SHISA6: variants seen among roughly 807,000 people sequenced by gnomAD.
The protein encoded by SHISA6 is shisa family member 6.
SHISA6 carries 22 observed loss-of-function variants against 47.9 expected under a neutral mutation model. The observed-to-expected ratio is 0.46, with a 90% confidence interval of 0.33 to 0.66. The LOEUF is 0.66. SHISA6 is among the 30% of genes least tolerant of loss of function. SHISA6 has a pLI of 0.02. For synonymous variants in SHISA6, 388 were observed against 337.8 expected, an observed-to-expected ratio of 1.15 and a Z score of -1.63; for missense variants, 680 against 764.6, an observed-to-expected ratio of 0.89 and a Z score of 1.30.
chr17:11,523,429 C>T (rs1377090516), intron 3 of SHISA6, among the ~76,000 whole-genome samples: 1 of 152,116 alleles, frequency 6.6e-6, no homozygotes, highest in African/African-American at 2.4e-5. Flanking sequence ...AGATGTCTCT[C>T]TGTGAGCCAG....
chr17:11,260,232 C>T (rs1417733896), intron 1 of SHISA6, among the ~76,000 whole-genome samples: 1 of 152,074 alleles, frequency 6.6e-6, no homozygotes, highest in Admixed American at 6.6e-5. Flanking sequence ...AAGAAATAGA[C>T]AGAAGGGAGC....
intron 2 of SHISA6, among the ~76,000 whole-genome samples, chr17:11,276,878 A>G (rs1292828098): frequency 6.6e-6 from 1 of 152,166 alleles, no homozygotes; most frequent in African/African-American, 2.4e-5. Flanking sequence ...CACTTACATA[A>G]CTATGATACA....
At chr17:11,400,386 C>G (rs1194326777) in intron 3 of SHISA6, among the ~76,000 whole-genome samples, 2 of 152,170 alleles carry the variant, frequency 1.3e-5, no homozygotes, top group Non-Finnish European at 2.9e-5. Context: ...GTTGCTCAAG[C>G]TAAAACCTTG....
rs546319705 is a variant in SHISA6 at position 11,528,528 on chromosome 17, T to C, written c.896-23368T>C. Among the ~76,000 whole-genome samples, 12 of 152,312 alleles carry C rather than the reference T, an allele frequency of 7.9e-5. No homozygotes were observed. The South Asian group carries it at 2.5e-3, about 32-fold the overall frequency. ...AAAGGTAATATACAATTGTAATGAT[T>C]AAAACAGTGGTGCCAAACAGATAGA... is the stretch of plus-strand genomic sequence containing the variant. On this transcript the variant is annotated intron_variant, in intron 3 of 5. Transcript: ENST00000441885.
intron 2 of SHISA6, among the ~76,000 whole-genome samples, chr17:11,321,936 C>A (rs2142196744): frequency 6.6e-6 from 1 of 152,136 alleles, no homozygotes; most frequent in East Asian, 1.9e-4. Context: ...CAAGACAATT[C>A]TTCTTCTTCC....
chr17:11,504,053 A>C (rs2071477459), intron 3 of SHISA6, among the ~76,000 whole-genome samples: 1 of 152,218 alleles, frequency 6.6e-6, no homozygotes, highest in African/African-American at 2.4e-5. Context: ...GGATGGATGC[A>C]TGAGTTATTA....
intron 2 of SHISA6, among the ~76,000 whole-genome samples, chr17:11,309,224 C>CA (rs1238672574): frequency 2.0e-5 from 3 of 152,220 alleles, no homozygotes; most frequent in Admixed American, 2.0e-4. Flanking sequence ...CTCAGCCTCC[C>CA]AAGTAGCTGG....
At chr17:11,376,830 G>A (rs994622581) in intron 2 of SHISA6, among the ~76,000 whole-genome samples, 1 of 152,176 alleles carries the variant, frequency 6.6e-6, no homozygotes, top group Non-Finnish European at 1.5e-5. Flanking sequence ...GAACTTGTTA[G>A]GAATGGAAAT....
At chr17:11,354,329 C>T (rs924499335) in intron 2 of SHISA6, among the ~76,000 whole-genome samples, 2 of 152,104 alleles carry the variant, frequency 1.3e-5, no homozygotes, top group African/African-American at 4.8e-5. Flanking sequence ...GCTGCTGCTC[C>T]AAGGAGCACA....
chr17:11,455,639 A>G (rs1202936017), intron 3 of SHISA6, among the ~76,000 whole-genome samples: 1 of 152,118 alleles, frequency 6.6e-6, no homozygotes, highest in African/African-American at 2.4e-5. Flanking sequence ...CTCCCAGAAG[A>G]GCCCAGGAGT....
At chr17:11,277,280 T>TCTCTCTCTCTCTCTCTCTCA (rs1386997909) in intron 2 of SHISA6, among the ~76,000 whole-genome samples, 56 of 53,904 alleles carry the variant, frequency 1.0e-3, no homozygotes, top group Non-Finnish European at 1.5e-3. Context: ...TCTCTCTCTC[T>TCTCTCTCTCTCTCTCTCTCA]CACACACACA....
chr17:11,487,205 C>T (rs1916372430), intron 3 of SHISA6, among the ~76,000 whole-genome samples: 1 of 152,142 alleles, frequency 6.6e-6, no homozygotes, highest in African/African-American at 2.4e-5. Context: ...TGTCCACCGT[C>T]GAGGGGCATC....
chr17:11,426,560 G>A (rs1362051708), intron 3 of SHISA6, among the ~76,000 whole-genome samples: 2 of 152,176 alleles, frequency 1.3e-5, no homozygotes, highest in Non-Finnish European at 2.9e-5. Context: ...TTTGCCCAGA[G>A]CACCTCTGTT....
chr17:11,383,543 T>C (rs1398107521), intron 3 of SHISA6, among the ~76,000 whole-genome samples: 3 of 152,098 alleles, frequency 2.0e-5, no homozygotes, highest in African/African-American at 7.2e-5. Flanking sequence ...GAGCCTTCAT[T>C]TTTGTCTAGA....
chr17:11,510,958 T>C (rs1321715438), intron 3 of SHISA6, among the ~76,000 whole-genome samples: 3 of 152,180 alleles, frequency 2.0e-5, no homozygotes, highest in Non-Finnish European at 4.4e-5. Flanking sequence ...TTAGATGAAG[T>C]TATTTTCCTG....
At chr17:11,270,929 G>A (rs1466217268) in intron 2 of SHISA6, among the ~76,000 whole-genome samples, 1 of 152,184 alleles carries the variant, frequency 6.6e-6, no homozygotes, top group Non-Finnish European at 1.5e-5. Flanking sequence ...CCCTGAGGCT[G>A]TAGCCAAGGT....
intron 2 of SHISA6, among the ~76,000 whole-genome samples, chr17:11,291,866 G>C (rs1398030442): frequency 1.3e-5 from 2 of 152,080 alleles, no homozygotes; most frequent in South Asian, 2.1e-4. Flanking sequence ...CTAGATTAGG[G>C]CCCATCCGAG....
intron 2 of SHISA6, among the ~76,000 whole-genome samples, chr17:11,377,242 A>G (rs1567588852): frequency 6.6e-6 from 1 of 152,154 alleles, no homozygotes; most frequent in African/African-American, 2.4e-5. Flanking sequence ...TGCTGGGGTT[A>G]CAGGCATGAA....
chr17:11,379,539 A>C (rs1912938441), intron 3 of SHISA6, 30 bp downstream of exon 3: 1 of 1,466,808 alleles, frequency 6.8e-7, no homozygotes, highest in Non-Finnish European at 9.2e-7. Flanking sequence ...TTACTAAAAT[A>C]CAGAGGTTGC....
Sources: allele counts gnomAD v4.1 joint callset (sites outside exome capture counted in the v4.1 genomes callset), GRCh38; gene constraint gnomAD v4.1.1; transcripts MANE v1.5; gene names NCBI Gene and HGNC (gene_info 2026-07-23, HGNC 2026-07-21).